Variants in SAE1 observed in about 807,000 individuals in gnomAD.
SAE1 encodes the protein SUMO-activating enzyme subunit 1.
SAE1 carries 11 observed loss-of-function variants against 40.6 expected under a neutral mutation model. The ratio of observed to expected loss-of-function variants is 0.27; its 90% CI spans 0.17 to 0.45. The LOEUF (loss-of-function observed/expected upper bound fraction) is 0.45. Among genes scored for constraint, SAE1 ranks in the 20% least tolerant of loss-of-function variants. The pLI is 1.00. For synonymous variants in SAE1, 155 were observed against 154.3 expected (o/e 1.00, Z -0.03); for missense variants, 373 against 427.3 (o/e 0.87, Z 1.12).
At chr19:47,144,830 T>C (rs2058245286) in intron 2 of SAE1, among the ~76,000 whole-genome samples, 1 of 152,140 alleles carries the variant, frequency 6.6e-6, no homozygotes, top group South Asian at 2.1e-4. Context: ...ACATGCTGTT[T>C]GTTTGTTTGT....
chr19:47,202,680 G>A (rs1284092192), intron 7 of SAE1, among the ~76,000 whole-genome samples: 6 of 151,650 alleles, frequency 4.0e-5, no homozygotes, highest in Non-Finnish European at 5.9e-5. Flanking sequence ...TTGGGAGGCC[G>A]AGGCGGGCGG....
chr19:47,183,725 C>A (rs1818387503), intron 6 of SAE1, among the ~76,000 whole-genome samples: 1 of 152,246 alleles, frequency 6.6e-6, no homozygotes, highest in South Asian at 2.1e-4. Context: ...AGCCTCACAT[C>A]TTTTCTCTGA....
intron 6 of SAE1, among the ~76,000 whole-genome samples, chr19:47,190,630 G>A (rs529836830): frequency 1.3e-5 from 2 of 152,330 alleles, no homozygotes; most frequent in South Asian, 2.1e-4. Context: ...GTATGTGGAT[G>A]GTGCCAGCCT....
Position 47,160,830 on chromosome 19 carries a change from A to G in SAE1, c.627+5617A>G, listed in dbSNP as rs536088075. Among the ~76,000 whole-genome samples the G allele has an allele frequency of 6.5e-4, 99 of 152,262 alleles. No homozygotes were observed. The Middle Eastern group carries it at 0.014, about 21-fold the overall frequency. ...AGGCGTGAGCCACCACTCCTGGCCA[A>G]TCCTGCTAATTATTAATATCAGAAC... On this transcript the variant is annotated intron_variant, in intron 5 of 8. Transcript: ENST00000270225.
intron 6 of SAE1, among the ~76,000 whole-genome samples, chr19:47,186,277 G>T (rs1297335367): frequency 6.6e-6 from 1 of 151,416 alleles, no homozygotes; most frequent in Non-Finnish European, 1.5e-5. Context: ...AAAGCTCATT[G>T]GAGCATTTTG....
intron 6 of SAE1, among the ~76,000 whole-genome samples, chr19:47,173,065 A>G (rs892332706): frequency 1.3e-5 from 2 of 152,092 alleles, no homozygotes; most frequent in African/African-American, 2.4e-5. Flanking sequence ...GTCTTGCTCT[A>G]TCACCCAGGT....
Position 47,191,970 on chromosome 19 carries a change from C to T in SAE1, c.734-5263C>T, listed in dbSNP as rs377363244. Among the ~76,000 whole-genome samples the T allele has an allele frequency of 2.0e-4, 31 of 151,280 alleles. 1 individual carries two copies. The East Asian group carries it at 5.6e-3, about 27-fold the overall frequency. ...TCGGGAGGCTGAGGCAGGAGAATGG[C>T]GTGAACCCGGGAGGCGGAGCTTGCA... On this transcript the variant is annotated intron_variant, in intron 6 of 8. Transcript: ENST00000270225.
At chr19:47,189,504 T>G (rs2058566056) in intron 6 of SAE1, among the ~76,000 whole-genome samples, 1 of 152,008 alleles carries the variant, frequency 6.6e-6, no homozygotes, top group African/African-American at 2.4e-5. Context: ...GAGGTTGCAG[T>G]GAGCAAAGAT....
intron 4 of SAE1, among the ~76,000 whole-genome samples, chr19:47,153,397 G>C (rs1399635375): frequency 1.3e-5 from 2 of 152,158 alleles, no homozygotes; most frequent in African/African-American, 4.8e-5. Flanking sequence ...CTCTCATTTT[G>C]AACACTGAGG....
chr19:47,171,263 G>A (rs1396296860), intron 6 of SAE1, among the ~76,000 whole-genome samples: 13 of 151,644 alleles, frequency 8.6e-5, no homozygotes, highest in Admixed American at 3.3e-4. Flanking sequence ...GTGAGCCACC[G>A]CGCCTGGCAA....
chr19:47,178,242 CAAA>C (rs748570539), intron 6 of SAE1, among the ~76,000 whole-genome samples: 2 of 139,408 alleles, frequency 1.4e-5, no homozygotes, highest in Non-Finnish European at 1.6e-5. Context: ...ACTCCATCTC[CAAA>C]AAAAAAAAAG....
At chr19:47,164,931 C>T (rs1386009161) in intron 5 of SAE1, among the ~76,000 whole-genome samples, 2 of 151,818 alleles carry the variant, frequency 1.3e-5, no homozygotes, top group Non-Finnish European at 2.9e-5. Flanking sequence ...GGATTACAGG[C>T]GTGAGCCACA....
intron 1 of SAE1, 155 bp downstream of exon 1, chr19:47,131,183 G>A: frequency 1.4e-6 from 2 of 1,391,354 alleles, no homozygotes; most frequent in Non-Finnish European, 9.3e-7. Flanking sequence ...GACTGGAGGA[G>A]TTGATTGGGG....
chr19:47,160,344 T>C (rs1018971869), intron 5 of SAE1, among the ~76,000 whole-genome samples: 1 of 148,634 alleles, frequency 6.7e-6, no homozygotes, highest in East Asian at 2.0e-4. Context: ...GCGTTAGCCT[T>C]CCGAGTAGCT....
intron 2 of SAE1, among the ~76,000 whole-genome samples, chr19:47,144,471 G>A (rs2058242424): frequency 6.6e-6 from 1 of 151,940 alleles, no homozygotes; most frequent in African/African-American, 2.4e-5. Flanking sequence ...AGGCTGAGGC[G>A]GGCAGATCAT....
chr19:47,164,460 TCTGGC>T (rs2058378002), intron 5 of SAE1, among the ~76,000 whole-genome samples: 1 of 151,402 alleles, frequency 6.6e-6, no homozygotes, highest in African/African-American at 2.4e-5. Context: ...AGCCACCACG[TCTGGC>T]CTGGAGCGCG....
Position 47,150,244 on chromosome 19 carries a change from G to C in SAE1, c.253G>C (p.Gly85Arg). 6.2e-7 allele frequency: 1 copy of C among 1,613,058 alleles called. No individual in the cohort carries two copies. Among genetic ancestry groups the C allele is most frequent in the Non-Finnish European group, 8.5e-7 (1 of 1,179,728 alleles). Residue 85 changes from glycine to arginine, a missense_variant, in exon 3 of 9, where the codon GGG becomes CGG. Gly to Arg is a moderately radical substitution (Grantham distance 125). Around this residue, in one of 3 missense-constraint regions of SAE1, gnomAD observed 351 missense variants for 390.6 expected, o/e 0.90. Coordinates refer to ENST00000270225, the MANE Select transcript of SAE1 (RefSeq NM_005500.3). ...DPGAQFLIRTGSVGRNRAEAS... is the reference protein window; with the variant it reads ...DPGAQFLIRTRSVGRNRAEAS... ...CGGAGCTCAGTTCTTGATTCGTACT[G>C]GGTCTGTTGGCCGAAATAGGGCTGA... is the stretch of plus-strand genomic sequence containing the variant.
chr19:47,166,800 G>C (rs1445391361), intron 5 of SAE1, among the ~76,000 whole-genome samples: 1 of 152,098 alleles, frequency 6.6e-6, no homozygotes, highest in African/African-American at 2.4e-5. Context: ...ATGTCACCAG[G>C]CCGACTTCAT....
At position 47,195,974 on chromosome 19, in the gene SAE1, T is replaced by A. The variant is rs1384894782; in HGVS notation, c.734-1259T>A. Among the ~76,000 whole-genome samples the A allele has an allele frequency of 2.0e-5, 3 of 150,822 alleles. No individual in the cohort carries two copies. In the East Asian group the frequency reaches 5.8e-4, roughly 29 times the overall value. On this transcript the variant is annotated intron_variant, in intron 6 of 8. Coordinates refer to ENST00000270225, the MANE Select transcript of SAE1 (RefSeq NM_005500.3). ...ATCTCAAACTCCTGGGCTCAAGCGA[T>A]CCTCACGCCTTGGCCCCCCAAAGTG...
Sources: allele counts gnomAD v4.1 joint callset (sites outside exome capture counted in the v4.1 genomes callset), GRCh38; gene constraint gnomAD v4.1.1; regional missense constraint gnomAD v4.1.1; transcripts MANE v1.5; gene names NCBI Gene and HGNC (gene_info 2026-07-23, HGNC 2026-07-21).